GRM8: variants seen among roughly 807,000 people sequenced by gnomAD.
GRM8 encodes the protein metabotropic glutamate receptor 8.
A neutral mutation model predicts 87.2 loss-of-function variants in GRM8; 47 were observed. The ratio of observed to expected loss-of-function variants is 0.54; its 90% CI spans 0.43 to 0.69. The LOEUF is 0.69. GRM8 is among the 30% of genes least tolerant of loss of function. The pLI is 0.00. For missense variants in GRM8, 1,019 were observed against 1,139.2 expected, an observed-to-expected ratio of 0.89 and a Z score of 1.52; for synonymous variants, 396 against 404.5, an observed-to-expected ratio of 0.98 and a Z score of 0.25.
intron 7 of GRM8, among the ~76,000 whole-genome samples, chr7:126,624,727 T>C (rs1027552779): frequency 1.5e-4 from 10 of 65,382 alleles, no homozygotes; most frequent in Admixed American, 2.6e-4. Flanking sequence ...GCCAAATTAT[T>C]AGTTCAGACA....
Position 126,994,973 on chromosome 7 carries a change from G to GTCC in GRM8, c.728-90291_728-90290insGGA, listed in dbSNP as rs568336084. Among the ~76,000 whole-genome samples the GTCC allele has an allele frequency of 6.5e-3, 994 of 152,164 alleles. 5 individuals carry two copies. Among genetic ancestry groups the GTCC allele is most frequent in the Non-Finnish European group, 0.011 (743 of 67,986 alleles). ...CTGTGCTGGCTTCAGGTCTGACCTG[G>GTCC]GATAGTCCCAGTGGTGGTGGCCACA... is the stretch of plus-strand genomic sequence containing the variant. On this transcript the variant is annotated intron_variant, in intron 3 of 10. Transcript: ENST00000339582.
chr7:126,722,133 T>C (rs1812458393), intron 7 of GRM8, among the ~76,000 whole-genome samples: 1 of 152,156 alleles, frequency 6.6e-6, no homozygotes, highest in South Asian at 2.1e-4. Context: ...CTGGGCGTCA[T>C]AAAAATTTTT....
chr7:126,545,389 T>C (rs1817032320), intron 8 of GRM8, among the ~76,000 whole-genome samples: 1 of 152,224 alleles, frequency 6.6e-6, no homozygotes, highest in Non-Finnish European at 1.5e-5. Flanking sequence ...AATTTGGATA[T>C]CACAGAGTGA....
chr7:126,482,255 A>T (rs1806775918), intron 9 of GRM8, among the ~76,000 whole-genome samples: 1 of 152,026 alleles, frequency 6.6e-6, no homozygotes, highest in South Asian at 2.1e-4. Context: ...TTCCTCATAA[A>T]ATTAAAAATA....
intron 3 of GRM8, among the ~76,000 whole-genome samples, chr7:127,012,923 G>A (rs1474486605): frequency 1.3e-5 from 2 of 152,116 alleles, no homozygotes; most frequent in African/African-American, 4.8e-5. Context: ...TCCTACTGCA[G>A]CCTTCTTGCA....
intron 2 of GRM8, among the ~76,000 whole-genome samples, chr7:127,168,526 C>G (rs190676663): frequency 6.6e-6 from 1 of 152,164 alleles, no homozygotes; most frequent in Non-Finnish European, 1.5e-5. Context: ...GATTATAAAT[C>G]TTTCTACTAT....
At chr7:126,849,626 C>T (rs1412469896) in intron 6 of GRM8, among the ~76,000 whole-genome samples, 2 of 152,114 alleles carry the variant, frequency 1.3e-5, no homozygotes, top group South Asian at 2.1e-4. Flanking sequence ...TATTTCCTTC[C>T]GTCTCTTCAA....
At chr7:127,095,790 C>T (rs549828312) in intron 3 of GRM8, 13 of 152,264 alleles carry the variant, frequency 8.5e-5, no homozygotes, top group African/African-American at 2.9e-4. Flanking sequence ...AATGATGCCT[C>T]CATTGAGGCA....
intron 7 of GRM8, among the ~76,000 whole-genome samples, chr7:126,688,107 G>A (rs1355000156): frequency 6.6e-6 from 1 of 152,124 alleles, no homozygotes; most frequent in East Asian, 1.9e-4. Context: ...CTGTCTGAAT[G>A]CCCATAAAAT....
chr7:127,212,728 A>AT (rs1796298952), intron 2 of GRM8, among the ~76,000 whole-genome samples: 2 of 152,092 alleles, frequency 1.3e-5, no homozygotes, highest in African/African-American at 4.8e-5. Context: ...ACATGGTGTT[A>AT]TTTTTTAACT....
intron 2 of GRM8, among the ~76,000 whole-genome samples, chr7:127,157,052 A>C (rs2283097): frequency 0.19 from 28,490 of 152,018 alleles, 3,012 homozygotes; most frequent in Non-Finnish European, 0.24. Context: ...AGAGGAGAGG[A>C]TAATAAAGCA....
intron 6 of GRM8, among the ~76,000 whole-genome samples, chr7:126,868,459 C>T (rs1377070014): frequency 6.6e-6 from 1 of 152,202 alleles, no homozygotes; most frequent in Non-Finnish European, 1.5e-5. Context: ...TTAATCAACA[C>T]CAGACCTTGA....
At chr7:126,771,217 G>A (rs1279995123) in intron 6 of GRM8, among the ~76,000 whole-genome samples, 4 of 151,968 alleles carry the variant, frequency 2.6e-5, no homozygotes, top group Non-Finnish European at 2.9e-5. Context: ...TCGAATTAAC[G>A]TGGTTTATAT....
At chr7:126,686,258 C>G (rs562031645) in intron 7 of GRM8, among the ~76,000 whole-genome samples, 3 of 152,104 alleles carry the variant, frequency 2.0e-5, no homozygotes, top group Non-Finnish European at 2.9e-5. Flanking sequence ...TTGTCTTGCT[C>G]ACGCTCCACT....
intron 6 of GRM8, among the ~76,000 whole-genome samples, chr7:126,856,939 T>C (rs1797741573): frequency 6.6e-6 from 1 of 152,218 alleles, no homozygotes; most frequent in Non-Finnish European, 1.5e-5. Context: ...ATACCTTTCT[T>C]CCAGTCCTTT....
chr7:127,013,919 A>G (rs1173161045), intron 3 of GRM8, among the ~76,000 whole-genome samples: 1 of 152,200 alleles, frequency 6.6e-6, no homozygotes, highest in African/African-American at 2.4e-5. Context: ...AAATTAATGT[A>G]AAGCAAATTG....
chr7:126,738,767 G>T (rs368274116), intron 7 of GRM8, among the ~76,000 whole-genome samples: 1 of 151,274 alleles, frequency 6.6e-6, no homozygotes, highest in Non-Finnish European at 1.5e-5. Flanking sequence ...GAAATTCTAC[G>T]TTGAGGAAAG....
chr7:126,734,052 AT>A (rs1357334010), intron 7 of GRM8, among the ~76,000 whole-genome samples: 1 of 152,082 alleles, frequency 6.6e-6, no homozygotes, highest in Non-Finnish European at 1.5e-5. Context: ...AATGAGAAAA[AT>A]TTAATTAGCA....
At chr7:126,492,267 TC>T (rs1383448794) in intron 9 of GRM8, among the ~76,000 whole-genome samples, 2 of 151,894 alleles carry the variant, frequency 1.3e-5, no homozygotes, top group Non-Finnish European at 2.9e-5. Context: ...CCCAGGCTGG[TC>T]TCAAACTCCT....
Sources: allele counts gnomAD v4.1 joint callset (sites outside exome capture counted in the v4.1 genomes callset), GRCh38; gene constraint gnomAD v4.1.1; transcripts MANE v1.5; gene names NCBI Gene and HGNC (gene_info 2026-07-23, HGNC 2026-07-21).